GPR107: variants seen among roughly 807,000 people sequenced by gnomAD.
GPR107 encodes the protein G protein-coupled receptor 107.
GPR107 carries 31 observed loss-of-function variants against 75.5 expected under a neutral mutation model. That is an observed-to-expected ratio of 0.41 (90% CI 0.31 to 0.55). The LOEUF is 0.55. GPR107 is among the 20% of genes least tolerant of loss of function. The probability of loss-of-function intolerance (pLI) is 0.26; values close to 1 mark genes in which losing one functional copy is unlikely to be tolerated. For missense variants in GPR107, 572 were observed against 665.7 expected (o/e 0.86, Z 1.55); for synonymous variants, 267 against 251.3 (o/e 1.06, Z -0.59).
intron 17 of GPR107, among the ~76,000 whole-genome samples, chr9:130,132,772 C>T (rs577908902): frequency 1.8e-4 from 27 of 150,230 alleles, no homozygotes; most frequent in South Asian, 4.2e-4. Flanking sequence ...GGTGACAGAG[C>T]GAGACTTCAT....
At chr9:130,130,877 G>GAA (rs113310099) in intron 17 of GPR107, among the ~76,000 whole-genome samples, 31,631 of 135,490 alleles carry the variant, frequency 0.23, 4,116 homozygotes, top group Middle Eastern at 0.36. Flanking sequence ...TCTCAAAAAA[G>GAA]AAAAAAAAAA....
At chr9:130,057,285 G>C (rs931831382) in intron 1 of GPR107, among the ~76,000 whole-genome samples, 1 of 151,786 alleles carries the variant, frequency 6.6e-6, no homozygotes, top group Non-Finnish European at 1.5e-5. Flanking sequence ...TGGAGGCTGC[G>C]GTGAGCTATG....
At chr9:130,093,815 C>G (rs1830799358) in intron 9 of GPR107, among the ~76,000 whole-genome samples, 1 of 146,420 alleles carries the variant, frequency 6.8e-6, no homozygotes, top group African/African-American at 2.5e-5. Flanking sequence ...ACCCCCATTT[C>G]TTTTTTTTTT....
intron 5 of GPR107, among the ~76,000 whole-genome samples, chr9:130,082,474 C>CTT (rs6151190): frequency 2.2e-4 from 28 of 126,240 alleles, no homozygotes; most frequent in African/African-American, 7.8e-4. Flanking sequence ...AAAAGAATAT[C>CTT]TTTTTTTTTT....
intron 9 of GPR107, among the ~76,000 whole-genome samples, chr9:130,093,184 A>G (rs975911831): frequency 1.3e-5 from 2 of 148,694 alleles, no homozygotes; most frequent in African/African-American, 5.0e-5. Flanking sequence ...AAACCTCTTC[A>G]AAGCCCATCT....
chr9:130,132,196 G>A (rs910361908), intron 17 of GPR107, among the ~76,000 whole-genome samples: 9 of 152,038 alleles, frequency 5.9e-5, no homozygotes, highest in Non-Finnish European at 1.2e-4. Flanking sequence ...GGTGTGCCCA[G>A]CCCTTCCTGT....
chr9:130,122,019 T>A (rs7048917), intron 14 of GPR107, among the ~76,000 whole-genome samples: 88,828 of 151,764 alleles, frequency 0.59, 26,058 homozygotes, highest in East Asian at 0.79. Context: ...GCCTCCCCAG[T>A]AGCTGGGACT....
intron 1 of GPR107, among the ~76,000 whole-genome samples, chr9:130,064,185 C>CTTGTTTTTTTTT (rs1830005587): frequency 1.2e-5 from 1 of 82,590 alleles, no homozygotes; most frequent in African/African-American, 4.8e-5. Flanking sequence ...AATAGCTTTT[C>CTTGTTTTTTTTT]TTTTTTTTTT....
chr9:130,131,699 C>T (rs1395142854), intron 17 of GPR107, among the ~76,000 whole-genome samples: 6 of 152,106 alleles, frequency 3.9e-5, no homozygotes, highest in South Asian at 2.1e-4. Flanking sequence ...CTTGGTGACA[C>T]GGACATCCAC....
intron 14 of GPR107, among the ~76,000 whole-genome samples, chr9:130,113,755 G>T (rs1285720551): frequency 1.3e-5 from 2 of 152,148 alleles, no homozygotes; most frequent in African/African-American, 4.8e-5. Flanking sequence ...TAATGTAAGA[G>T]TGTGGAAAGT....
intron 14 of GPR107, among the ~76,000 whole-genome samples, chr9:130,115,010 C>T (rs899653611): frequency 6.6e-6 from 1 of 152,106 alleles, no homozygotes; most frequent in African/African-American, 2.4e-5. Context: ...ATAAACAGAC[C>T]TAACAAAAAA....
chr9:130,073,232 C>G (rs1196960949), intron 1 of GPR107, among the ~76,000 whole-genome samples: 1 of 152,202 alleles, frequency 6.6e-6, no homozygotes, highest in Non-Finnish European at 1.5e-5. Flanking sequence ...CCTCTGCAGT[C>G]CTGCTCCACT....
chr9:130,106,621 AATAAT>A (rs1307453892), intron 13 of GPR107, among the ~76,000 whole-genome samples: 3 of 110,414 alleles, frequency 2.7e-5, no homozygotes, highest in Non-Finnish European at 6.4e-5. Context: ...ATAAATAAAT[AATAAT>A]AATAATAATA....
intron 8 of GPR107, among the ~76,000 whole-genome samples, chr9:130,091,213 G>T (rs757784231): frequency 3.9e-5 from 6 of 152,164 alleles, no homozygotes; most frequent in Non-Finnish European, 8.8e-5. Flanking sequence ...TTTTGGCTGG[G>T]CATGGTGGCT....
intron 13 of GPR107, among the ~76,000 whole-genome samples, chr9:130,105,404 T>G (rs1248202083): frequency 6.6e-6 from 1 of 151,910 alleles, no homozygotes; most frequent in African/African-American, 2.4e-5. Flanking sequence ...CAGGTGCGTG[T>G]CACCATGCCT....
intron 14 of GPR107, chr9:130,110,298 T>G: frequency 1.1e-6 from 1 of 877,766 alleles, no homozygotes. Context: ...TAGTAAAGGG[T>G]AACTTCCTTT....
intron 7 of GPR107, among the ~76,000 whole-genome samples, chr9:130,087,140 T>G (rs1429657526): frequency 1.3e-5 from 2 of 151,942 alleles, no homozygotes; most frequent in Non-Finnish European, 2.9e-5. Context: ...TAGGCTCAAG[T>G]GATCCTCCTG....
At position 130,054,034 on chromosome 9, in the gene GPR107, C is replaced by T; in HGVS notation, c.102C>T (p.Ala34=). ...TGCTGGGTTTGCTGCAGTTGCTGGC[C>T]GAGCCTGGCCTGGGCCGCGTCCATC... is the stretch of plus-strand genomic sequence containing the variant. ...LPMLGLLQLL[A]EPGLGRVHHL... Residue 34 remains alanine, a synonymous_variant, in exon 1 of 18, where the codon GCC becomes GCT. Coordinates refer to ENST00000347136, the MANE Select transcript of GPR107 (RefSeq NM_020960.5). 1 of 1,555,030 alleles carries T rather than the reference C, an allele frequency of 6.4e-7. No homozygotes were observed. The highest frequency in any genetic ancestry group is 1.9e-5 in the Admixed American group (1 of 51,572).
chr9:130,113,709 T>G (rs867659161), intron 14 of GPR107, among the ~76,000 whole-genome samples: 3 of 152,172 alleles, frequency 2.0e-5, no homozygotes, highest in African/African-American at 7.2e-5. Context: ...GGGTAAAAGC[T>G]CTCCTGAAAG....
Sources: gnomAD v4.1 joint callset for allele counts (sites outside exome capture counted in the v4.1 genomes callset) on GRCh38, gnomAD v4.1.1 for gene constraint, MANE v1.5 for transcripts, NCBI Gene and HGNC (gene_info 2026-07-23, HGNC 2026-07-21) for gene names.